The following MIB2 variants were observed in gnomAD, a reference collection of about 807,000 sequenced individuals.
MIB2 encodes the protein E3 ubiquitin-protein ligase MIB2.
Under a neutral mutation model 96.6 loss-of-function variants are expected in MIB2, and 78 were observed. The observed-to-expected ratio is 0.81, with a 90% CI of 0.67 to 0.97. The LOEUF (loss-of-function observed/expected upper bound fraction) is 0.97. MIB2 is among the 50% of genes least tolerant of loss of function. The probability of loss-of-function intolerance (pLI) is 0.00; values close to 1 mark genes in which losing one functional copy is unlikely to be tolerated. For synonymous variants in MIB2, 820 were observed against 629.5 expected, an observed-to-expected ratio of 1.30 and a Z score of -4.53; for missense variants, 1,543 against 1,424.0, an observed-to-expected ratio of 1.08 and a Z score of -1.35.
rs1367121235 is a variant in MIB2, at chr1:1,626,308, C to A, written c.973-342C>A. The A allele has an allele frequency of 8.2e-6, 3 of 367,910 alleles. No individual in the cohort carries two copies. Among genetic ancestry groups the A allele is most frequent in the Non-Finnish European group, 1.5e-5 (3 of 202,664 alleles). 22.8% of individuals were successfully genotyped at this position (367,910 alleles called of 1,614,324 possible). On this transcript the variant is annotated intron_variant, in intron 8 of 19. Coordinates refer to ENST00000355826, the MANE Select transcript of MIB2 (RefSeq NM_001170687.4). This position sits in a 1 kb window ranked among gnomAD's most constrained non-coding sequence, Gnocchi z 5.3. ...TCCTGCACCCCATGGTCCTGGGGCC[C>A]CACCCCCACGCTGGCTCACGGGCCC... is the stretch of plus-strand genomic sequence containing the variant.
At chr1:1,629,936 AC>A (rs1203695208) in intron 19 of MIB2, among the ~76,000 whole-genome samples, 1 of 110,254 alleles carries the variant, frequency 9.1e-6, no homozygotes, top group African/African-American at 3.6e-5. Flanking sequence ...CCCCCATCAC[AC>A]CCCAGCCCCG....
chr1:1,620,459 G>A (rs1441387324), intron 2 of MIB2, among the ~76,000 whole-genome samples: 1 of 152,218 alleles, frequency 6.6e-6, no homozygotes, highest in African/African-American at 2.4e-5. Context: ...GCAGGGAGGA[G>A]TCCCCGGCTT....
upstream of MIB2, chr1:1,615,464 CG>C (rs562151581): frequency 1.3e-6 from 2 of 1,516,666 alleles, no homozygotes; most frequent in South Asian, 2.4e-5. Context: ...GTGGCCATGG[CG>C]GGGGCGCTCC....
Position 1,623,793 on chromosome 1 carries a change from C to G in MIB2, c.267C>G (p.Ile89Met). The G allele has an allele frequency of 2.5e-6, 4 of 1,606,400 alleles. No individual in the cohort carries two copies. Among genetic ancestry groups the G allele is most frequent in the Non-Finnish European group, 3.4e-6 (4 of 1,177,180 alleles). ...NAQIGVRHPN[I>M]ICDCCKKHGL... is the part of the protein sequence containing the mutation. ...CCCCAGGCGTCCGGCACCCCAACAT[C>G]ATCTGTGACTGCTGCAAGAAGCACG... Residue 89 changes from isoleucine to methionine, a missense_variant, in exon 4 of 20, where the codon ATC (isoleucine) becomes ATG (methionine). Ile to Met is a conservative substitution (Grantham distance 10). Transcript: ENST00000355826.
chr1:1,615,969 C>T lies in MIB2; in HGVS notation c.-130+336C>T, dbSNP rs866656392. ...GGCAGGCGCTCTGGCCTGGCCTGGC[C>T]GCCGCTGAGCAGTCGGGGCCGGTGG... On this transcript the variant is annotated intron_variant, in intron 1 of 19. Coordinates refer to ENST00000355826, the MANE Select transcript of MIB2 (RefSeq NM_001170687.4). The T allele has an allele frequency of 1.6e-4, 155 of 985,706 alleles. 1 individual carries two copies. The African/African-American group carries it at 2.6e-3, about 17-fold the overall frequency. 61.1% of individuals were successfully genotyped at this position (985,706 alleles called of 1,614,324 possible). A position where few individuals can be genotyped will look rare whatever the true frequency, so the allele number is the denominator to read the frequency against.
chr1:1,630,595 A>T lies in MIB2; in HGVS notation c.*65A>T, dbSNP rs2100607940. ...CCCGCCCTGTGTTTTATAAAAAGAA[A>T]GATTCTCGGACGTTGCCTCTGCTGT... On this transcript the variant is annotated 3_prime_UTR_variant, in exon 20 of 20. Transcript: ENST00000355826. 2.7e-5 allele frequency: 35 copies of T among 1,314,640 alleles called. No individual in the cohort carries two copies. The South Asian group carries it at 5.3e-4, about 20-fold the overall frequency. The allele number at this position is 1,314,640 out of a possible 1,614,324, so 81.4% of individuals were successfully genotyped here.
intron 14 of MIB2, 24 bp from the exon 15 acceptor site, chr1:1,628,249 C>T (rs1228875553): frequency 6.2e-7 from 1 of 1,612,740 alleles, no homozygotes; most frequent in Non-Finnish European, 8.5e-7. Context: ...TCCCAGGTCC[C>T]AGACCAACCT....
rs1644502092 is a variant in MIB2, at chr1:1,623,962, A to G, written c.419+17A>G. 1.3e-6 allele frequency: 2 copies of G among 1,593,906 alleles called. No individual in the cohort carries two copies. Among genetic ancestry groups the G allele is most frequent in the Non-Finnish European group, 1.7e-6 (2 of 1,166,646 alleles). ...CTCGCGCCCGTGAGTCCCGGGCCGC[A>G]CCGGCTCCTGTGCGGCGGGTACCCA... On this transcript the variant is annotated intron_variant, in intron 4 of 19. Coordinates refer to ENST00000355826, the MANE Select transcript of MIB2 (RefSeq NM_001170687.4).
Position 1,626,406 on chromosome 1 carries a change from A to C in MIB2, c.973-244A>C, listed in dbSNP as rs1001348984. The C allele has an allele frequency of 1.9e-5, 10 of 531,578 alleles. No individual in the cohort carries two copies. In the African/African-American group the frequency reaches 1.9e-4, roughly 10 times the overall value. The allele number at this position is 531,578 out of a possible 1,614,324, so 32.9% of individuals were successfully genotyped here. ...CCACCTCGGCTTCACACCTGCCCAG[A>C]GCTGGCTTCTGTCTGCCTGGACACT... On this transcript the variant is annotated intron_variant, in intron 8 of 19. Transcript: ENST00000355826. The surrounding 1 kb of genome is among the most constrained non-coding windows in gnomAD (Gnocchi z 5.3).
At position 1,628,309 on chromosome 1, in the gene MIB2, G is replaced by A. The variant is rs369252349; in HGVS notation, c.1878G>A (p.Leu626=). The A allele has an allele frequency of 8.7e-6, 14 of 1,612,922 alleles. No homozygotes were observed. Among genetic ancestry groups the A allele is most frequent in the Non-Finnish European group, 1.2e-5 (14 of 1,179,930 alleles). The change falls in exon 15 of 20, where the codon CTG becomes CTA. Residue 626 remains leucine, a synonymous_variant. Coordinates refer to ENST00000355826, the MANE Select transcript of MIB2 (RefSeq NM_001170687.4). ...AGATTCTGGCTCGGGCGCGGCAGCT[G>A]GTGGACGCCAAGAAGGAGGACGGCT... ...VRKILARARQ[L]VDAKKEDGFT...
At chr1:1,614,468 C>G (rs1382742682), upstream of MIB2, 2 of 152,268 alleles carry the variant, frequency 1.3e-5, no homozygotes, top group Admixed American at 1.3e-4. Flanking sequence ...TGTTACAAAA[C>G]AACTTTTGTG....
Position 1,625,775 on chromosome 1 carries a change from T to A in MIB2, c.972+122T>A. The A allele has an allele frequency of 1.3e-6, 1 of 783,264 alleles. No homozygotes were observed. Among genetic ancestry groups the A allele is most frequent in the Non-Finnish European group, 2.1e-6 (1 of 483,764 alleles). 48.5% of individuals were successfully genotyped at this position (783,264 alleles called of 1,614,324 possible). A position where few individuals can be genotyped will look rare whatever the true frequency, so the allele number is the denominator to read the frequency against. On this transcript the variant is annotated intron_variant, in intron 8 of 19. Transcript: ENST00000355826. This position sits in a 1 kb window ranked among gnomAD's most constrained non-coding sequence, Gnocchi z 5.0. Reference sequence around the variant, plus strand: ...AGCTGCACCCACGAGTCCCCAGCCCTGAAGGAAGGGGAGGGACTGGTGGGT... The same window carrying A: ...AGCTGCACCCACGAGTCCCCAGCCCAGAAGGAAGGGGAGGGACTGGTGGGT...
chr1:1,624,656 G>A (rs1029367097), intron 4 of MIB2, 139 bp from the exon 5 acceptor site: 12 of 799,130 alleles, frequency 1.5e-5, no homozygotes, highest in Non-Finnish European at 2.1e-5. Context: ...GGCCATTCCC[G>A]GGCAAGAGCT....
At chr1:1,619,830 C>G (rs566357568) in intron 2 of MIB2, among the ~76,000 whole-genome samples, 1 of 152,318 alleles carries the variant, frequency 6.6e-6, no homozygotes, top group South Asian at 2.1e-4. Flanking sequence ...TGCCCCAACT[C>G]AGGTGGGCTT....
chr1:1,615,215 C>G, upstream of MIB2: 2 of 684,296 alleles, frequency 2.9e-6, no homozygotes, highest in Non-Finnish European at 4.5e-6. Flanking sequence ...AGGGCCCGCA[C>G]TGGTGGAGTC....
chr1:1,624,665 C>T, intron 4 of MIB2, 130 bp from the exon 5 acceptor site: 1 of 842,230 alleles, frequency 1.2e-6, no homozygotes, highest in South Asian at 1.4e-5. Flanking sequence ...CGGGCAAGAG[C>T]TGGGGCTGCG....
chr1:1,630,232 C>T (rs1190330388), intron 19 of MIB2, 60 bp from the exon 20 acceptor site: 3 of 488,082 alleles, frequency 6.1e-6, no homozygotes, highest in Non-Finnish European at 9.1e-6. Context: ...CCCCGCAGCT[C>T]CCTGCTCCCC....
chr1:1,613,964 G>A (rs1164619502), upstream of MIB2: 1 of 152,154 alleles, frequency 6.6e-6, no homozygotes, highest in Non-Finnish European at 1.5e-5. Flanking sequence ...GGTATCGTTA[G>A]GCATGTGGCG....
chr1:1,630,234 CTGCT>C, intron 19 of MIB2, 54 bp from the exon 20 acceptor site: 1 of 632,732 alleles, frequency 1.6e-6, no homozygotes, highest in Non-Finnish European at 2.2e-6. Context: ...CCGCAGCTCC[CTGCT>C]CCCCGCATTC....
Sources: allele counts gnomAD v4.1 joint callset (sites outside exome capture counted in the v4.1 genomes callset), GRCh38; gene constraint gnomAD v4.1.1; non-coding constraint Gnocchi (gnomAD v3.1); transcripts MANE v1.5; gene names NCBI Gene and HGNC (gene_info 2026-07-23, HGNC 2026-07-21).